CACNA1D: variants seen among roughly 807,000 people sequenced by gnomAD.
CACNA1D encodes voltage-dependent L-type calcium channel subunit alpha-1D.
In CACNA1D, 55 loss-of-function variants were observed where a neutral mutation model predicts 257.1. The observed-to-expected ratio is 0.21, with a 90% confidence interval of 0.17 to 0.27. CACNA1D has a LOEUF of 0.27. CACNA1D is among the 10% of genes least tolerant of loss of function. The pLI, the probability that CACNA1D is intolerant of heterozygous loss-of-function variation, is 1.00. For missense variants in CACNA1D, 1,876 were observed against 2,784.0 expected (o/e 0.67, Z 7.34); for synonymous variants, 980 against 1,014.9 (o/e 0.97, Z 0.65).
intron 9 of CACNA1D, among the ~76,000 whole-genome samples, chr3:53,708,812 T>A (rs905601349): frequency 6.6e-6 from 1 of 152,180 alleles, no homozygotes; most frequent in African/African-American, 2.4e-5. Context: ...ACTTAGAAGT[T>A]TGGGGCCTCT....
chr3:53,499,998 A>C (rs2090521926), intron 2 of CACNA1D, among the ~76,000 whole-genome samples: 2 of 152,208 alleles, frequency 1.3e-5, no homozygotes, highest in Admixed American at 6.5e-5. Context: ...GCTTAAAAAA[A>C]ATAAACCCAT....
At chr3:53,714,845 T>C (rs762502262) in intron 9 of CACNA1D, among the ~76,000 whole-genome samples, 4 of 152,208 alleles carry the variant, frequency 2.6e-5, no homozygotes, top group Non-Finnish European at 5.9e-5. Context: ...TCTAACAGTC[T>C]ATGATTCTTT....
intron 3 of CACNA1D, among the ~76,000 whole-genome samples, chr3:53,628,117 A>G (rs2093781048): frequency 6.6e-6 from 1 of 152,228 alleles, no homozygotes; most frequent in East Asian, 1.9e-4. Context: ...AACAGGAAGC[A>G]GTCACCCAAC....
rs757650197 is a variant in CACNA1D, at chr3:53,702,829, G to T, written c.1390+19G>T. The T allele has an allele frequency of 1.2e-6, 2 of 1,613,810 alleles. No individual in the cohort carries two copies. Among genetic ancestry groups the T allele is most frequent in the Admixed American group, 3.3e-5 (2 of 60,000 alleles). On this transcript the variant is annotated intron_variant, in intron 9 of 47. Coordinates refer to ENST00000350061, the MANE Select transcript of CACNA1D (RefSeq NM_001128840.3). ...CGAAATAGTATGTAGCGCCTTTCCT[G>T]CCCCTGGCTAGACAGACCCAGTGTG...
Position 53,745,770 on chromosome 3 carries a change from T to A in CACNA1D, c.3114+39T>A, listed in dbSNP as rs777303991. 3 of 1,604,258 alleles carry A rather than the reference T, an allele frequency of 1.9e-6. No homozygotes were observed. In the African/African-American group the frequency reaches 4.0e-5, roughly 21 times the overall value. On this transcript the variant is annotated intron_variant, in intron 24 of 47. Coordinates refer to ENST00000350061, the MANE Select transcript of CACNA1D (RefSeq NM_001128840.3). ...CTCCAAGCATAAAACTCAGGTGGAT[T>A]TCTTTAAGGAGAAGCCTGCATTTAC...
At chr3:53,716,690 C>T (rs2094822357) in intron 9 of CACNA1D, among the ~76,000 whole-genome samples, 1 of 152,032 alleles carries the variant, frequency 6.6e-6, no homozygotes, top group Admixed American at 6.6e-5. Flanking sequence ...ATGAGAGTAC[C>T]AGCAATGTAA....
intron 3 of CACNA1D, among the ~76,000 whole-genome samples, chr3:53,525,136 G>A (rs958684499): frequency 1.1e-4 from 17 of 152,170 alleles, no homozygotes; most frequent in African/African-American, 3.9e-4. Flanking sequence ...GGAGAGATTG[G>A]TGTATGTCTT....
At chr3:53,618,150 C>G (rs1488064743) in intron 3 of CACNA1D, among the ~76,000 whole-genome samples, 3 of 152,192 alleles carry the variant, frequency 2.0e-5, no homozygotes, top group South Asian at 2.1e-4. Context: ...ACTTGGTAGA[C>G]TCGACAGCTC....
At chr3:53,652,175 G>A (rs2094104522) in intron 4 of CACNA1D, among the ~76,000 whole-genome samples, 1 of 152,168 alleles carries the variant, frequency 6.6e-6, no homozygotes, top group Non-Finnish European at 1.5e-5. Flanking sequence ...TGTTGGTTCT[G>A]GGATAATCTG....
rs746613836 is a variant in CACNA1D, at chr3:53,786,941, A to G, written c.4912A>G (p.Ile1638Val). The G allele has an allele frequency of 6.8e-6, 11 of 1,613,986 alleles. No homozygotes were observed. The highest frequency in any genetic ancestry group is 5.0e-5 in the Admixed American group (3 of 60,008). Residue 1638 changes from isoleucine (I) to valine (V), a missense_variant, in exon 40 of 48, where the codon ATT becomes GTT. By Grantham distance (29) the Ile-to-Val change is conservative. This residue lies in a region of CACNA1D where 160 missense variants were observed against 236.6 expected (regional missense o/e 0.68). Coordinates refer to ENST00000350061, the MANE Select transcript of CACNA1D (RefSeq NM_001128840.3). ...AAAGTACCCTGCGAAGAACACCACA[A>G]TTGCCCTACAGGTGAATTGTTGTCT... ...VGKYPAKNTT[I>V]ALQAGLRTLH... is the part of the protein sequence containing the mutation.
At chr3:53,642,684 C>T (rs962513211) in intron 3 of CACNA1D, among the ~76,000 whole-genome samples, 5 of 152,256 alleles carry the variant, frequency 3.3e-5, no homozygotes, top group African/African-American at 1.2e-4. Context: ...AGCTGGGCTC[C>T]GTAGAGTGGT....
intron 4 of CACNA1D, 123 bp downstream of exon 4, chr3:53,651,041 A>G: frequency 1.2e-6 from 1 of 865,616 alleles, no homozygotes; most frequent in Non-Finnish European, 1.9e-6. Context: ...CAGCTGTTGC[A>G]CCAGAACCTC....
At chr3:53,613,089 G>T (rs570752888) in intron 3 of CACNA1D, among the ~76,000 whole-genome samples, 1 of 152,278 alleles carries the variant, frequency 6.6e-6, no homozygotes, top group South Asian at 2.1e-4. Flanking sequence ...AGGTAAGAGG[G>T]CACTTTGCTT....
chr3:53,580,883 A>C (rs2093121430), intron 3 of CACNA1D, among the ~76,000 whole-genome samples: 1 of 152,226 alleles, frequency 6.6e-6, no homozygotes. Context: ...TCAACCCAGC[A>C]GTTGGCATAC....
chr3:53,787,597 G>A (rs529408670), intron 40 of CACNA1D, among the ~76,000 whole-genome samples: 1 of 152,154 alleles, frequency 6.6e-6, no homozygotes, highest in African/African-American at 2.4e-5. Context: ...CAGGCTCCTA[G>A]AGTGTGGATG....
intron 3 of CACNA1D, among the ~76,000 whole-genome samples, chr3:53,513,457 C>A (rs914922281): frequency 2.0e-5 from 3 of 152,076 alleles, no homozygotes; most frequent in Non-Finnish European, 4.4e-5. Context: ...GCTGGTGAAA[C>A]CTCGTCTCTA....
chr3:53,735,517 G>T lies in CACNA1D; in HGVS notation c.2751+14G>T, dbSNP rs748663117. ...TTCCGGAACACGGTAAGTCCCCAGGGTGGGGCTCGCTCTGGGATAGCCCTG... is the reference window on the plus strand; with the variant it reads ...TTCCGGAACACGGTAAGTCCCCAGGTTGGGGCTCGCTCTGGGATAGCCCTG... On this transcript the variant is annotated intron_variant, in intron 20 of 47. Coordinates refer to ENST00000350061, the MANE Select transcript of CACNA1D (RefSeq NM_001128840.3). The T allele has an allele frequency of 1.2e-6, 2 of 1,613,676 alleles. No individual in the cohort carries two copies. The highest frequency in any genetic ancestry group is 8.5e-7 in the Non-Finnish European group (1 of 1,180,008).
At chr3:53,506,053 AAC>A (rs1340774944) in intron 3 of CACNA1D, among the ~76,000 whole-genome samples, 4 of 152,192 alleles carry the variant, frequency 2.6e-5, no homozygotes, top group Admixed American at 2.6e-4. Context: ...TAATACCTGA[AAC>A]ACAATTTCAT....
At chr3:53,735,234 G>A (rs2095045915) in intron 19 of CACNA1D, 140 bp from the exon 20 acceptor site, 2 of 845,734 alleles carry the variant, frequency 2.4e-6, no homozygotes, top group African/African-American at 1.6e-5. Context: ...TTGCTCAGGT[G>A]TGCCGGGCAG....
Sources: gnomAD v4.1 joint callset for allele counts (sites outside exome capture counted in the v4.1 genomes callset) on GRCh38, gnomAD v4.1.1 for gene constraint, gnomAD v4.1.1 regional missense constraint, MANE v1.5 for transcripts, NCBI Gene and HGNC (gene_info 2026-07-23, HGNC 2026-07-21) for gene names.